PLEKHG5: variants seen among roughly 807,000 people sequenced by gnomAD.
The protein encoded by PLEKHG5 is pleckstrin homology domain-containing family G member 5.
Under a neutral mutation model 103.8 loss-of-function variants are expected in PLEKHG5, and 52 were observed. That is an observed-to-expected ratio of 0.50 (90% CI 0.40 to 0.63). PLEKHG5 has a LOEUF of 0.63. Ranked by LOEUF, PLEKHG5 falls within the 30% of genes least tolerant of loss-of-function variation. The pLI is 0.00. For synonymous variants in PLEKHG5, 592 were observed against 575.5 expected (o/e 1.03, Z -0.41); for missense variants, 1,205 against 1,347.6 (o/e 0.89, Z 1.66).
chr1:6,479,850 A>G (rs1000955802), intron 1 of PLEKHG5, among the ~76,000 whole-genome samples: 2 of 152,020 alleles, frequency 1.3e-5, no homozygotes, highest in African/African-American at 4.8e-5. Flanking sequence ...GGCTCAAGCA[A>G]TCTGCCCGCC....
intron 1 of PLEKHG5, among the ~76,000 whole-genome samples, chr1:6,512,225 C>T (rs1410031677): frequency 6.6e-6 from 1 of 152,202 alleles, no homozygotes; most frequent in Non-Finnish European, 1.5e-5. Context: ...ATACCATTGG[C>T]TCCTCCTTCA....
chr1:6,501,960 G>A lies in PLEKHG5; in HGVS notation c.-164-5391C>T, dbSNP rs770006509. On this transcript the variant is annotated intron_variant, in intron 1 of 21. Transcript: ENST00000377740. This position sits in a 1 kb window ranked among gnomAD's most constrained non-coding sequence, Gnocchi z 4.3. ...AAGAAAACAGGCCCTCCCTGCCCAC[G>A]ACCTCCCAACCACAGGCCTGGCCAT... Among the ~76,000 whole-genome samples, 4 of 152,152 alleles carry A rather than the reference G, an allele frequency of 2.6e-5. No homozygotes were observed. Among genetic ancestry groups the A allele is most frequent in the Non-Finnish European group, 4.4e-5 (3 of 68,010 alleles).
At position 6,470,812 on chromosome 1, in the gene PLEKHG5, T is replaced by C; in HGVS notation, c.1465A>G (p.Thr489Ala). 3 of 1,577,186 alleles carry C rather than the reference T, an allele frequency of 1.9e-6. No individual in the cohort carries two copies. Among genetic ancestry groups the C allele is most frequent in the East Asian group, 2.3e-5 (1 of 43,158 alleles). The change falls in exon 14 of 21, where the codon ACC (threonine) becomes GCC (alanine). Residue 489 changes from threonine (T) to alanine (A), a missense_variant. Physicochemically the swap from Thr to Ala is moderately conservative, Grantham distance 58 (BLOSUM62 0). Transcript: ENST00000377728. ...DMLAKPHQRLTKYPLLLKSVL... is the reference protein window; with the variant it reads ...DMLAKPHQRLAKYPLLLKSVL... ...GACTTGAGCAGCAGCGGGTACTTGG[T>C]GAGCCGCTGGTGGGGTTTGGCCAGC...
chr1:6,469,234 A>C lies in PLEKHG5; in HGVS notation c.2057T>G (p.Leu686Arg). ...VDTIYNAQNQLQQLRAQEPPG... is the reference protein window; with the variant it reads ...VDTIYNAQNQRQQLRAQEPPG... ...GGGCTCCTGTGCACGCAGCTGTTGC[A>C]GCTGGTTCTGCAGGCAAGGTTGGGG... The change falls in exon 19 of 21, where the codon CTG (leucine) becomes CGG (arginine). Residue 686 changes from leucine (L) to arginine (R), a missense_variant. By Grantham distance (102) the Leu-to-Arg change is moderately radical (BLOSUM62 -2). Transcript: ENST00000377728. The C allele has an allele frequency of 1.2e-6, 2 of 1,613,642 alleles. No individual in the cohort carries two copies. Among genetic ancestry groups the C allele is most frequent in the Non-Finnish European group, 8.5e-7 (1 of 1,180,010 alleles).
In PLEKHG5 at chr1:6,473,060, C is replaced by T. The variant is rs1325284983; in HGVS notation, c.910G>A (p.Asp304Asn). Reference protein sequence around the residue: ...FDHDSWEEEYDEDEDEDNACL... With the variant: ...FDHDSWEEEYNEDEDEDNACL... ...GCATTGTCCTCATCCTCGTCTTCAT[C>T]GTACTCCTCCTCCCAGGAGTCATGG... Residue 304 changes from aspartate to asparagine, a missense_variant, in exon 9 of 21, where the codon GAT (aspartate) becomes AAT (asparagine). Asp to Asn is a conservative substitution (Grantham distance 23). Transcript: ENST00000377728. 4 of 1,613,818 alleles carry T rather than the reference C, an allele frequency of 2.5e-6. No individual in the cohort carries two copies. Among genetic ancestry groups the T allele is most frequent in the African/African-American group, 1.3e-5 (1 of 74,934 alleles).
rs747617677 is a variant in PLEKHG5, at chr1:6,475,150, G to A, written c.211-12C>T. The A allele has an allele frequency of 9.5e-6, 14 of 1,478,462 alleles. No homozygotes were observed. The highest frequency in any genetic ancestry group is 2.8e-6 in the Non-Finnish European group (3 of 1,057,204). The allele number at this position is 1,478,462 out of a possible 1,614,324, so 91.6% of individuals were successfully genotyped here. ...TCCTTGCTTGGGTCCTGGGAGGATGGTGGGGGTGGGGGCTGTGAGCTTCTC... is the reference window on the plus strand; with the variant it reads ...TCCTTGCTTGGGTCCTGGGAGGATGATGGGGGTGGGGGCTGTGAGCTTCTC... On this transcript the variant is annotated splice_polypyrimidine_tract_variant and intron_variant, in intron 4 of 20. Coordinates refer to ENST00000377728, the MANE Select transcript of PLEKHG5 (RefSeq NM_020631.6).
At chr1:6,473,200 AG>A in intron 8 of PLEKHG5, 26 bp from the exon 9 acceptor site, 1 of 1,612,830 alleles carries the variant, frequency 6.2e-7, no homozygotes, top group Non-Finnish European at 8.5e-7. Context: ...GGTCAGGGTC[AG>A]GGGTCATGGC....
At chr1:6,496,521 G>A, upstream of PLEKHG5, 1 of 1,602,666 alleles carries the variant, frequency 6.2e-7, no homozygotes. Flanking sequence ...GTCCATGCAG[G>A]CGGGGTTCTG....
chr1:6,496,437 G>T, upstream of PLEKHG5: 2 of 1,338,012 alleles, frequency 1.5e-6, no homozygotes, highest in Non-Finnish European at 2.1e-6. Context: ...AGAAAGGGCA[G>T]TTAGAGCCCT....
Position 6,477,628 on chromosome 1 carries a change from G to A in PLEKHG5, c.-57C>T. ...CAGAGGTTGAGGGGCCCCCGGCGGTGCAGCTGCTGGCAGTCGGCGTGGTGA... is the reference window on the plus strand; with the variant it reads ...CAGAGGTTGAGGGGCCCCCGGCGGTACAGCTGCTGGCAGTCGGCGTGGTGA... On this transcript the variant is annotated 5_prime_UTR_variant, in exon 2 of 21. Transcript: ENST00000377728. 3 of 1,608,048 alleles carry A rather than the reference G, an allele frequency of 1.9e-6. No homozygotes were observed. The highest frequency in any genetic ancestry group is 2.5e-6 in the Non-Finnish European group (3 of 1,179,936).
chr1:6,471,710 C>T (rs377412111), intron 11 of PLEKHG5, 48 bp downstream of exon 11: 140 of 1,592,284 alleles, frequency 8.8e-5, no homozygotes, highest in Non-Finnish European at 1.2e-4. Flanking sequence ...CAGGTCCCGC[C>T]CTCCTTCCTG....
At position 6,490,295 on chromosome 1, in the gene PLEKHG5, A is replaced by G. The variant is rs1214377670; in HGVS notation, c.-88+1342T>C. The G allele has an allele frequency of 9.6e-6, 2 of 208,160 alleles. No homozygotes were observed. Among genetic ancestry groups the G allele is most frequent in the Non-Finnish European group, 1.7e-5 (2 of 119,826 alleles). The allele number at this position is 208,160 out of a possible 1,614,324, so 12.9% of individuals were successfully genotyped here. A position where few individuals can be genotyped will look rare whatever the true frequency, so the allele number is the denominator to read the frequency against. The stretch of plus-strand genomic sequence containing the variant: ...ACCCATTCCACCCTCACGTAAATGG[A>G]GATACAGCTGGTGAGGACCCTGTAC... On this transcript the variant is annotated intron_variant, in intron 1 of 20. Coordinates refer to ENST00000377728, the MANE Select transcript of PLEKHG5 (RefSeq NM_020631.6). This position sits in a 1 kb window ranked among gnomAD's most constrained non-coding sequence, Gnocchi z 8.0.
Position 6,471,865 on chromosome 1 carries a change from C to A in PLEKHG5, c.1081-57G>T, listed in dbSNP as rs545520751. Reference sequence around the variant, plus strand: ...CGGGAGGCTGTCTCAGCCCTAGGGCCCCACCCAGCCTCAGGCTCCCCTGCC... The same window carrying A: ...CGGGAGGCTGTCTCAGCCCTAGGGCACCACCCAGCCTCAGGCTCCCCTGCC... On this transcript the variant is annotated intron_variant, in intron 10 of 20. Coordinates refer to ENST00000377728, the MANE Select transcript of PLEKHG5 (RefSeq NM_020631.6). 5.3e-6 allele frequency: 8 copies of A among 1,520,622 alleles called. No individual in the cohort carries two copies. In the South Asian group the frequency reaches 9.5e-5, roughly 18 times the overall value. The allele number at this position is 1,520,622 out of a possible 1,614,324, so 94.2% of individuals were successfully genotyped here.
In PLEKHG5 at chr1:6,486,591, C is replaced by G. The variant is rs528510200; in HGVS notation, c.-88+5046G>C. ...GAGGCATCAGGAAACCCTGGCGACC[C>G]ACATGGCACAGCAGCCCAGGTCCCT... On this transcript the variant is annotated intron_variant, in intron 1 of 20. Coordinates refer to ENST00000377728, the MANE Select transcript of PLEKHG5 (RefSeq NM_020631.6). The surrounding 1 kb of genome is among the most constrained non-coding windows in gnomAD (Gnocchi z 5.3). Among the ~76,000 whole-genome samples the G allele has an allele frequency of 6.6e-6, 1 of 152,230 alleles. No individual in the cohort carries two copies. Among genetic ancestry groups the G allele is most frequent in the African/African-American group, 2.4e-5 (1 of 41,466 alleles).
intron 1 of PLEKHG5, chr1:6,485,218 G>GCC: frequency 1.4e-6 from 1 of 732,024 alleles, no homozygotes; most frequent in Non-Finnish European, 1.9e-6. Context: ...GGGCCGCGGG[G>GCC]CCCATAGTCA....
At chr1:6,512,338 A>T (rs1056454739) in intron 1 of PLEKHG5, among the ~76,000 whole-genome samples, 20 of 152,190 alleles carry the variant, frequency 1.3e-4, no homozygotes, top group Admixed American at 5.2e-4. Flanking sequence ...CGTGAGCTCA[A>T]GTGGGCTTCT....
At position 6,490,477 on chromosome 1, in the gene PLEKHG5, T is replaced by G. The variant is rs1645129477; in HGVS notation, c.-88+1160A>C. ...CAGGACCAGGGTCTCCTCCCCGGTGTCTAAGGCTCTAAGGCTCGGGCCGAG... is the reference window on the plus strand; with the variant it reads ...CAGGACCAGGGTCTCCTCCCCGGTGGCTAAGGCTCTAAGGCTCGGGCCGAG... On this transcript the variant is annotated intron_variant, in intron 1 of 20. Coordinates refer to ENST00000377728, the MANE Select transcript of PLEKHG5 (RefSeq NM_020631.6). This position sits in a 1 kb window ranked among gnomAD's most constrained non-coding sequence, Gnocchi z 8.0. 1.3e-6 allele frequency: 1 copy of G among 744,670 alleles called. No individual in the cohort carries two copies. Among genetic ancestry groups the G allele is most frequent in the Non-Finnish European group, 1.5e-6 (1 of 667,338 alleles). The allele number at this position is 744,670 out of a possible 1,614,324, so 46.1% of individuals were successfully genotyped here. A position where few individuals can be genotyped will look rare whatever the true frequency, so the allele number is the denominator to read the frequency against.
At chr1:6,478,006 C>G (rs1469983468) in intron 1 of PLEKHG5, among the ~76,000 whole-genome samples, 1 of 151,780 alleles carries the variant, frequency 6.6e-6, no homozygotes, top group African/African-American at 2.4e-5. Context: ...TCAGCCTCCC[C>G]AGTAGCTGGG....
At chr1:6,497,196 C>T, upstream of PLEKHG5, 2 of 858,184 alleles carry the variant, frequency 2.3e-6, no homozygotes, top group Non-Finnish European at 3.8e-6. The surrounding 1 kb of genome is among the most constrained non-coding windows in gnomAD (Gnocchi z 6.1). Flanking sequence ...TGGGTACGAG[C>T]GGCCCGAAGC....
Sources: gnomAD v4.1 joint callset for allele counts (sites outside exome capture counted in the v4.1 genomes callset) on GRCh38, gnomAD v4.1.1 for gene constraint, Gnocchi (gnomAD v3.1) non-coding constraint, MANE v1.5 for transcripts, NCBI Gene and HGNC (gene_info 2026-07-23, HGNC 2026-07-21) for gene names.